SLC39A13: variants seen among roughly 807,000 people sequenced by gnomAD.
The protein encoded by SLC39A13 is zinc transporter ZIP13.
A neutral mutation model predicts 38.7 loss-of-function variants in SLC39A13; 18 were observed. That is an observed-to-expected ratio of 0.47 (90% confidence interval 0.32 to 0.69). The LOEUF (loss-of-function observed/expected upper bound fraction) is 0.69, where lower values mean the gene tolerates loss of function less well. Ranked by LOEUF, SLC39A13 falls within the 30% of genes least tolerant of loss-of-function variation. The pLI, the probability that SLC39A13 is intolerant of heterozygous loss-of-function variation, is 0.03. For missense variants in SLC39A13, 395 were observed against 490.7 expected (o/e 0.80, Z 1.84); for synonymous variants, 212 against 219.1 (o/e 0.97, Z 0.29).
At chr11:47,414,719 G>A in intron 7 of SLC39A13, 58 bp from the exon 8 acceptor site, 1 of 1,598,976 alleles carries the variant, frequency 6.3e-7, no homozygotes, top group Non-Finnish European at 8.5e-7. Flanking sequence ...TCGTACCTGA[G>A]CACTCAGGGC....
At chr11:47,412,227 G>A in intron 3 of SLC39A13, 119 bp from the exon 4 acceptor site, 1 of 1,422,178 alleles carries the variant, frequency 7.0e-7, no homozygotes, top group South Asian at 1.2e-5. Flanking sequence ...GGCCCCAGCT[G>A]CCCAACCCAC....
Position 47,409,799 on chromosome 11 carries a change from C to A in SLC39A13, c.-8-288C>A. The A allele has an allele frequency of 1.6e-5, 6 of 383,068 alleles. 1 individual carries two copies. In the South Asian group the frequency reaches 1.7e-4, roughly 11 times the overall value. 23.7% of individuals were successfully genotyped at this position (383,068 alleles called of 1,614,324 possible). A position where few individuals can be genotyped will look rare whatever the true frequency, so the allele number is the denominator to read the frequency against. On this transcript the variant is annotated intron_variant, in intron 1 of 9. Transcript: ENST00000362021. ...CCGTGCCGCCGGTGGCTGAGGAGAGCCAGCCAGCGCCTCACCCTGTCATTA... is the reference window on the plus strand; with the variant it reads ...CCGTGCCGCCGGTGGCTGAGGAGAGACAGCCAGCGCCTCACCCTGTCATTA...
chr11:47,411,240 T>C (rs957121064), intron 2 of SLC39A13, among the ~76,000 whole-genome samples: 16 of 152,216 alleles, frequency 1.1e-4, no homozygotes, highest in Admixed American at 5.9e-4. Context: ...CTCTGCCACT[T>C]TTCTGAGAGT....
At chr11:47,411,577 C>T (rs2095999497) in intron 2 of SLC39A13, among the ~76,000 whole-genome samples, 1 of 152,174 alleles carries the variant, frequency 6.6e-6, no homozygotes, top group East Asian at 1.9e-4. Context: ...TGCACTCCAG[C>T]CTGGGCAACA....
At position 47,408,734 on chromosome 11, in the gene SLC39A13, G is replaced by T. The variant is rs1304861617; in HGVS notation, c.-9+72G>T. ...ACCCGGCCGATCCCTCGCCCCGTCC[G>T]ACTGGTCCTCATCAGACCTGGGCCG... On this transcript the variant is annotated intron_variant, in intron 1 of 9. Transcript: ENST00000362021. 4 of 152,572 alleles carry T rather than the reference G, an allele frequency of 2.6e-5. No individual in the cohort carries two copies. In the South Asian group the frequency reaches 5.7e-4, roughly 22 times the overall value. The allele number at this position is 152,572 out of a possible 1,614,324, so 9.5% of individuals were successfully genotyped here. A position where few individuals can be genotyped will look rare whatever the true frequency, so the allele number is the denominator to read the frequency against.
intron 2 of SLC39A13, 122 bp from the exon 3 acceptor site, chr11:47,411,804 A>C: frequency 3.3e-6 from 3 of 909,530 alleles, no homozygotes; most frequent in Non-Finnish European, 5.2e-6. Flanking sequence ...GGGACCCAGG[A>C]AGAGCAGCCA....
Position 47,413,454 on chromosome 11 carries a change from C to A in SLC39A13, c.592C>A (p.Leu198Met). 6.2e-7 allele frequency: 1 copy of A among 1,614,102 alleles called. No individual in the cohort carries two copies. Among genetic ancestry groups the A allele is most frequent in the Non-Finnish European group, 8.5e-7 (1 of 1,179,982 alleles). Reference sequence around the variant, plus strand: ...CGCCGCGCTCAATGGAGGCCACTGTCTGGCCCAGCCGGCTGCAGAGCCCGG... The same window carrying A: ...CGCCGCGCTCAATGGAGGCCACTGTATGGCCCAGCCGGCTGCAGAGCCCGG... Reference protein sequence around the residue: ...AAAALNGGHCLAQPAAEPGLG... With the variant: ...AAAALNGGHCMAQPAAEPGLG... Residue 198 changes from leucine (L) to methionine (M), a missense_variant, in exon 5 of 10, where the codon CTG becomes ATG. Transcript: ENST00000362021.
chr11:47,415,054 C>A lies in SLC39A13; in HGVS notation c.935C>A (p.Ala312Asp). Residue 312 changes from alanine (A) to aspartate (D), a missense_variant, in exon 9 of 10, where the codon GCT becomes GAT. Ala to Asp is a moderately radical substitution (Grantham distance 126). Transcript: ENST00000362021. ...GGGTACCCAGTTGGGTGTTCTCCCGCTGCAGAGGAGACGGCAGCCTGGGTC... is the reference window on the plus strand; with the variant it reads ...GGGTACCCAGTTGGGTGTTCTCCCGATGCAGAGGAGACGGCAGCCTGGGTC... ...SPKGVVGCSP[A>D]AEETAAWVLP... 2 of 1,613,536 alleles carry A rather than the reference C, an allele frequency of 1.2e-6. No individual in the cohort carries two copies. The highest frequency in any genetic ancestry group is 1.7e-5 in the Admixed American group (1 of 59,926).
rs1369901874 is a variant in SLC39A13 at position 47,415,218 on chromosome 11, G to C, written c.1040+59G>C. 2.5e-6 allele frequency: 4 copies of C among 1,613,238 alleles called. No individual in the cohort carries two copies. In the East Asian group the frequency reaches 6.7e-5, roughly 27 times the overall value. ...TCACAGGGCCCTTAGGGGCTCAGGAGGGAAGGGCTCCTGGCCGCTGCCTGC... is the reference window on the plus strand; with the variant it reads ...TCACAGGGCCCTTAGGGGCTCAGGACGGAAGGGCTCCTGGCCGCTGCCTGC... On this transcript the variant is annotated intron_variant, in intron 9 of 9. Coordinates refer to ENST00000362021, the MANE Select transcript of SLC39A13 (RefSeq NM_001128225.3).
At position 47,414,895 on chromosome 11, in the gene SLC39A13, C is replaced by A. The variant is rs761889126; in HGVS notation, c.905C>A (p.Ser302Tyr). ...GCTGGCTTCGCCATCTGTACCCAGT[C>A]CCCCAAGGGAGTAGGTACGGGCGTG... ...LGAGFAICTQSPKGVVGCSPA... is the reference protein window; with the variant it reads ...LGAGFAICTQYPKGVVGCSPA... The change falls in exon 8 of 10, where the codon TCC (serine) becomes TAC (tyrosine). Residue 302 changes from serine (S) to tyrosine (Y), a missense_variant. Physicochemically the swap from Ser to Tyr is moderately radical, Grantham distance 144. Transcript: ENST00000362021. 2 of 1,612,352 alleles carry A rather than the reference C, an allele frequency of 1.2e-6. No individual in the cohort carries two copies. Among genetic ancestry groups the A allele is most frequent in the Non-Finnish European group, 1.7e-6 (2 of 1,179,714 alleles).
chr11:47,415,019 A>T lies in SLC39A13; in HGVS notation c.920-20A>T, dbSNP rs778350026. ...CAGGCCCGGGAGGTGGGGAGCACAC[A>T]CAGTGCCTTGGGTACCCAGTTGGGT... On this transcript the variant is annotated intron_variant, in intron 8 of 9. Coordinates refer to ENST00000362021, the MANE Select transcript of SLC39A13 (RefSeq NM_001128225.3). 6.2e-7 allele frequency: 1 copy of T among 1,612,790 alleles called. No homozygotes were observed. The highest frequency in any genetic ancestry group is 1.3e-5 in the African/African-American group (1 of 74,898).
rs556077570 is a variant in SLC39A13, at chr11:47,415,380, C to T, written c.*17C>T. 79 of 1,613,450 alleles carry T rather than the reference C, an allele frequency of 4.9e-5. No homozygotes were observed. Among genetic ancestry groups the T allele is most frequent in the Non-Finnish European group, 5.7e-5 (67 of 1,179,684 alleles). ...GTGGATTAACTTTCCCTGATGCCGA[C>T]GCCCCTGCCCCCTGCAGCAATAAGA... On this transcript the variant is annotated 3_prime_UTR_variant, in exon 10 of 10. Transcript: ENST00000362021.
rs2096019749 is a variant in SLC39A13 at position 47,415,042 on chromosome 11, G to A, written c.923G>A (p.Gly308Glu). 6.2e-7 allele frequency: 1 copy of A among 1,613,272 alleles called. No individual in the cohort carries two copies. Residue 308 changes from glycine to glutamate, a missense_variant, in exon 9 of 10, where the codon GGG (glycine) becomes GAG (glutamate). Physicochemically the swap from Gly to Glu is moderately conservative, Grantham distance 98. Transcript: ENST00000362021. The part of the protein sequence containing the change: ...ICTQSPKGVV[G>E]CSPAAEETAA... ...ACACAGTGCCTTGGGTACCCAGTTG[G>A]GTGTTCTCCCGCTGCAGAGGAGACG... is the stretch of plus-strand genomic sequence containing the variant.
intron 4 of SLC39A13, among the ~76,000 whole-genome samples, chr11:47,413,170 TA>T (rs1234214230): frequency 6.6e-6 from 1 of 152,156 alleles, no homozygotes; most frequent in Non-Finnish European, 1.5e-5. Flanking sequence ...CACGCCCAGC[TA>T]ATTTTTGTAT....
intron 6 of SLC39A13, 116 bp downstream of exon 6, chr11:47,413,802 C>A: frequency 9.0e-7 from 1 of 1,109,590 alleles, no homozygotes; most frequent in Non-Finnish European, 1.3e-6. Context: ...TCATCTAAGG[C>A]TCTCATCCCC....
chr11:47,410,760 G>A (rs1335009847), intron 2 of SLC39A13, among the ~76,000 whole-genome samples: 2 of 152,160 alleles, frequency 1.3e-5, no homozygotes, highest in East Asian at 1.9e-4. Context: ...AAGAATGCAC[G>A]TGCCTATCCC....
In SLC39A13 at chr11:47,411,913, C is replaced by T; in HGVS notation, c.302-13C>T. 6.2e-7 allele frequency: 1 copy of T among 1,610,754 alleles called. No homozygotes were observed. Among genetic ancestry groups the T allele is most frequent in the Non-Finnish European group, 8.5e-7 (1 of 1,178,526 alleles). ...GCCAGTCAGCCCCCAGACCCCGCATCTCTCCCTTGTAGCTGGGGCCTGGCG... is the reference window on the plus strand; with the variant it reads ...GCCAGTCAGCCCCCAGACCCCGCATTTCTCCCTTGTAGCTGGGGCCTGGCG... On this transcript the variant is annotated splice_polypyrimidine_tract_variant and intron_variant, in intron 2 of 9. Transcript: ENST00000362021.
chr11:47,415,053 G>A lies in SLC39A13; in HGVS notation c.934G>A (p.Ala312Thr), dbSNP rs749499150. ...TGGGTACCCAGTTGGGTGTTCTCCC[G>A]CTGCAGAGGAGACGGCAGCCTGGGT... ...SPKGVVGCSP[A>T]AEETAAWVLP... Residue 312 changes from alanine (A) to threonine (T), a missense_variant, in exon 9 of 10, where the codon GCT (alanine) becomes ACT (threonine). By Grantham distance (58) the Ala-to-Thr change is moderately conservative. Coordinates refer to ENST00000362021, the MANE Select transcript of SLC39A13 (RefSeq NM_001128225.3). 2.9e-5 allele frequency: 46 copies of A among 1,613,168 alleles called. No individual in the cohort carries two copies. Among genetic ancestry groups the A allele is most frequent in the Non-Finnish European group, 3.8e-5 (45 of 1,179,660 alleles).
At position 47,415,355 on chromosome 11, in the gene SLC39A13, G is replaced by T; in HGVS notation, c.1108G>T (p.Val370Leu). The change falls in exon 10 of 10, where the codon GTG (valine) becomes TTG (leucine). Residue 370 changes from valine (V) to leucine (L), a missense_variant. Physicochemically the swap from Val to Leu is conservative, Grantham distance 32 (BLOSUM62 1). Transcript: ENST00000362021. Reference sequence around the variant, plus strand: ...GGTAATGGTGCTGTTCTCGCTCTTCGTGGATTAACTTTCCCTGATGCCGAC... The same window carrying T: ...GGTAATGGTGCTGTTCTCGCTCTTCTTGGATTAACTTTCCCTGATGCCGAC... ...IVVMVLFSLF[V>L]D is the part of the protein sequence containing the mutation. The T allele has an allele frequency of 6.2e-7, 1 of 1,614,034 alleles. No individual in the cohort carries two copies. The highest frequency in any genetic ancestry group is 8.5e-7 in the Non-Finnish European group (1 of 1,180,008).
Sources: allele counts gnomAD v4.1 joint callset (sites outside exome capture counted in the v4.1 genomes callset), GRCh38; gene constraint gnomAD v4.1.1; transcripts MANE v1.5; gene names NCBI Gene and HGNC (gene_info 2026-07-23, HGNC 2026-07-21).